The following AGBL4 variants were observed in gnomAD, a reference collection of about 807,000 sequenced individuals.
AGBL4 encodes the protein cytosolic carboxypeptidase 6.
In AGBL4, 58 loss-of-function variants were observed where a neutral mutation model predicts 66.4. The observed-to-expected ratio is 0.87, with a 90% confidence interval of 0.71 to 1.09. AGBL4 has a LOEUF of 1.09. Ranked by LOEUF, AGBL4 falls within the 50% of genes least tolerant of loss-of-function variation. AGBL4 has a pLI of 0.00. For missense variants in AGBL4, 579 were observed against 631.0 expected (o/e 0.92, Z 0.88); for synonymous variants, 234 against 222.9 (o/e 1.05, Z -0.44).
intron 3 of AGBL4, among the ~76,000 whole-genome samples, chr1:49,619,524 C>A (rs1440625758): frequency 6.6e-6 from 1 of 152,032 alleles, no homozygotes; most frequent in Non-Finnish European, 1.5e-5. Flanking sequence ...GAATCAATAT[C>A]GTGAAAATGG....
chr1:49,936,112 C>A (rs1010599721), intron 1 of AGBL4, among the ~76,000 whole-genome samples: 1 of 152,112 alleles, frequency 6.6e-6, no homozygotes, highest in Non-Finnish European at 1.5e-5. Flanking sequence ...GAATGTATAA[C>A]TAGAATAACC....
chr1:48,642,775 G>T (rs373884443), intron 8 of AGBL4, among the ~76,000 whole-genome samples: 1 of 152,134 alleles, frequency 6.6e-6, no homozygotes, highest in Non-Finnish European at 1.5e-5. Context: ...CACCATTTCC[G>T]TTTCTTAAGT....
In AGBL4 at chr1:48,939,104, T is replaced by C. The variant is rs1571049233; in HGVS notation, c.595-71874A>G. 2.0e-5 allele frequency among the ~76,000 whole-genome samples: 3 copies of C among 152,356 alleles called. 1 individual carries two copies. Among genetic ancestry groups the C allele is most frequent in the Admixed American group, 2.0e-4 (3 of 15,304 alleles). On this transcript the variant is annotated intron_variant, in intron 5 of 13. Coordinates refer to ENST00000371839, the MANE Select transcript of AGBL4 (RefSeq NM_032785.4). The stretch of plus-strand genomic sequence containing the variant: ...AACCTGAACTCTTAAACTCCTGTGC[T>C]ATGCTAGAGCAACATCTCTTTATGT...
chr1:49,050,005 C>A (rs1014747659), intron 4 of AGBL4, among the ~76,000 whole-genome samples: 1 of 151,878 alleles, frequency 6.6e-6, no homozygotes, highest in African/African-American at 2.4e-5. Flanking sequence ...AGTCAAGGAC[C>A]TTTATGCTTA....
chr1:49,658,176 C>T (rs981832275), intron 3 of AGBL4, among the ~76,000 whole-genome samples: 1 of 152,086 alleles, frequency 6.6e-6, no homozygotes, highest in Admixed American at 6.6e-5. Context: ...AAACAAACAA[C>T]CCCATCAAAA....
chr1:49,691,748 C>T (rs1339353931), intron 3 of AGBL4, among the ~76,000 whole-genome samples: 1 of 151,998 alleles, frequency 6.6e-6, no homozygotes, highest in Non-Finnish European at 1.5e-5. Flanking sequence ...TCTGGGTGGG[C>T]ACAATGTAAT....
intron 6 of AGBL4, among the ~76,000 whole-genome samples, chr1:48,713,437 G>A (rs959259209): frequency 2.0e-5 from 3 of 152,188 alleles, no homozygotes; most frequent in Non-Finnish European, 4.4e-5. Context: ...GGTGGAAAAG[G>A]TTGGGGTGGG....
intron 5 of AGBL4, among the ~76,000 whole-genome samples, chr1:48,936,117 T>C (rs1655450123): frequency 6.6e-6 from 1 of 151,602 alleles, no homozygotes; most frequent in African/African-American, 2.4e-5. Flanking sequence ...TGAGACCCTG[T>C]CTCTACAAAA....
chr1:49,124,715 C>G (rs1166753647), intron 4 of AGBL4, among the ~76,000 whole-genome samples: 1 of 152,158 alleles, frequency 6.6e-6, no homozygotes, highest in African/African-American at 2.4e-5. Context: ...GATAAAGTAG[C>G]AAGATTTTAT....
intron 3 of AGBL4, among the ~76,000 whole-genome samples, chr1:49,647,715 C>T (rs1645917029): frequency 6.6e-6 from 1 of 152,026 alleles, no homozygotes; most frequent in African/African-American, 2.4e-5. Flanking sequence ...GCCTAACCTA[C>T]AGGGATTTGG....
chr1:48,996,007 A>G (rs1251813312), intron 5 of AGBL4, among the ~76,000 whole-genome samples: 1 of 152,122 alleles, frequency 6.6e-6, no homozygotes, highest in Non-Finnish European at 1.5e-5. Flanking sequence ...ATGGCAGAGG[A>G]TATGGAGGAA....
chr1:49,054,197 T>C (rs1644270060), intron 4 of AGBL4, among the ~76,000 whole-genome samples: 1 of 152,022 alleles, frequency 6.6e-6, no homozygotes. Flanking sequence ...TTTCCTCAAT[T>C]AGCAGAAGAA....
intron 3 of AGBL4, among the ~76,000 whole-genome samples, chr1:49,338,737 T>C (rs1004540929): frequency 6.6e-6 from 1 of 152,180 alleles, no homozygotes. Flanking sequence ...TCTGCTCCGA[T>C]GATCAGAAGC....
At chr1:48,840,427 G>C (rs1646772842) in intron 6 of AGBL4, among the ~76,000 whole-genome samples, 1 of 152,070 alleles carries the variant, frequency 6.6e-6, no homozygotes, top group South Asian at 2.1e-4. Flanking sequence ...CATCTCACAA[G>C]GTTGTAAAGT....
chr1:49,233,236 C>T (rs1354639399), intron 4 of AGBL4, among the ~76,000 whole-genome samples: 3 of 152,124 alleles, frequency 2.0e-5, no homozygotes, highest in Non-Finnish European at 4.4e-5. Context: ...GTTCCTGGTC[C>T]AACCACTTAA....
chr1:49,885,597 A>T (rs1316408367), intron 1 of AGBL4, among the ~76,000 whole-genome samples: 1 of 152,110 alleles, frequency 6.6e-6, no homozygotes, highest in East Asian at 1.9e-4. Context: ...GTTAAGCTAC[A>T]ATCAATTAGA....
intron 4 of AGBL4, among the ~76,000 whole-genome samples, chr1:49,085,465 C>T (rs902534218): frequency 2.0e-5 from 3 of 151,920 alleles, no homozygotes; most frequent in African/African-American, 7.3e-5. Context: ...TTGGACTTCA[C>T]AATCATATGA....
At chr1:48,887,293 CT>C (rs1244899870) in intron 5 of AGBL4, among the ~76,000 whole-genome samples, 2 of 152,194 alleles carry the variant, frequency 1.3e-5, no homozygotes, top group East Asian at 1.9e-4. Context: ...AGGAGTTTGA[CT>C]TTTATTTCTG....
chr1:49,146,726 C>G (rs1467077009), intron 4 of AGBL4, among the ~76,000 whole-genome samples: 1 of 152,234 alleles, frequency 6.6e-6, no homozygotes, highest in Non-Finnish European at 1.5e-5. Context: ...GCCCCAGACA[C>G]CCTCCAAGGA....
Sources: gnomAD v4.1 joint callset for allele counts (sites outside exome capture counted in the v4.1 genomes callset) on GRCh38, gnomAD v4.1.1 for gene constraint, MANE v1.5 for transcripts, NCBI Gene and HGNC (gene_info 2026-07-23, HGNC 2026-07-21) for gene names.